The following TRAPPC9 variants were observed in gnomAD, a reference collection of about 807,000 sequenced individuals.
The protein encoded by TRAPPC9 is IKK2 binding protein.
TRAPPC9 carries 83 observed loss-of-function variants against 124.0 expected under a neutral mutation model. That is an observed-to-expected ratio of 0.67 (90% CI 0.56 to 0.80). TRAPPC9 has a LOEUF of 0.80. Ranked by LOEUF, TRAPPC9 falls within the 30% of genes least tolerant of loss-of-function variation. The pLI is 0.00. For missense variants in TRAPPC9, 1,302 were observed against 1,508.3 expected (o/e 0.86, Z 2.27); for synonymous variants, 638 against 617.5 (o/e 1.03, Z -0.49).
chr8:140,135,696 T>A (rs1219965498), intron 17 of TRAPPC9, among the ~76,000 whole-genome samples: 1 of 152,242 alleles, frequency 6.6e-6, no homozygotes. Context: ...GATGGAAAAC[T>A]TCTGGAAGTG....
chr8:140,413,492 C>G (rs2069781971), intron 5 of TRAPPC9, among the ~76,000 whole-genome samples: 1 of 151,716 alleles, frequency 6.6e-6, no homozygotes, highest in Non-Finnish European at 1.5e-5. Context: ...TGCCAGACAC[C>G]TACTGAAGAA....
At chr8:139,789,243 C>T (rs540523374) in intron 21 of TRAPPC9, among the ~76,000 whole-genome samples, 22 of 152,266 alleles carry the variant, frequency 1.4e-4, no homozygotes, top group East Asian at 5.8e-4. Flanking sequence ...TCTAGGGTCC[C>T]GGGCCCGCAC....
intron 17 of TRAPPC9, among the ~76,000 whole-genome samples, chr8:140,160,587 T>C (rs886291711): frequency 6.0e-5 from 9 of 150,214 alleles, no homozygotes; most frequent in African/African-American, 1.2e-4. Context: ...TAGGTGGGAA[T>C]TGAACAATGA....
intron 17 of TRAPPC9, among the ~76,000 whole-genome samples, chr8:140,179,993 A>ATTTTTT (rs71520259): frequency 0.13 from 11,396 of 89,582 alleles, 1,424 homozygotes; most frequent in East Asian, 0.39. Flanking sequence ...TTATATCTTG[A>ATTTTTT]TTTTTTTTTT....
chr8:139,758,869 G>A (rs534651588), intron 21 of TRAPPC9, among the ~76,000 whole-genome samples: 1 of 152,310 alleles, frequency 6.6e-6, no homozygotes, highest in Non-Finnish European at 1.5e-5. Flanking sequence ...GGTTTCTGAC[G>A]CCAAAGCCTG....
chr8:139,947,152 A>G (rs1243676931), intron 19 of TRAPPC9, among the ~76,000 whole-genome samples: 1 of 152,236 alleles, frequency 6.6e-6, no homozygotes, highest in Admixed American at 6.5e-5. Context: ...GTAGCAAGAC[A>G]GGGTGGTATC....
chr8:139,775,116 G>C (rs978376066), intron 21 of TRAPPC9, among the ~76,000 whole-genome samples: 2 of 152,150 alleles, frequency 1.3e-5, no homozygotes, highest in Non-Finnish European at 2.9e-5. Context: ...GGGGCACCTA[G>C]CCCTGACTGG....
At chr8:140,327,057 A>G (rs2066757152) in intron 9 of TRAPPC9, among the ~76,000 whole-genome samples, 1 of 152,130 alleles carries the variant, frequency 6.6e-6, no homozygotes, top group Non-Finnish European at 1.5e-5. Flanking sequence ...TTCCAAGACC[A>G]GCCTGACCAA....
intron 10 of TRAPPC9, among the ~76,000 whole-genome samples, chr8:140,306,237 T>G (rs2066129541): frequency 6.6e-6 from 1 of 152,154 alleles, no homozygotes; most frequent in Non-Finnish European, 1.5e-5. Flanking sequence ...GGCTCATACC[T>G]GTAATCCTAG....
At chr8:140,149,538 T>A (rs1312520361) in intron 17 of TRAPPC9, among the ~76,000 whole-genome samples, 2 of 151,736 alleles carry the variant, frequency 1.3e-5, no homozygotes, top group African/African-American at 4.8e-5. Context: ...GAGAATCACT[T>A]GAGCCCAGGA....
chr8:139,837,563 G>A (rs536523674), intron 21 of TRAPPC9, among the ~76,000 whole-genome samples: 2 of 152,290 alleles, frequency 1.3e-5, no homozygotes, highest in Admixed American at 1.3e-4. Flanking sequence ...GCCTCGGTCT[G>A]CTCTCACTGG....
At chr8:140,159,674 A>C (rs1488226732) in intron 17 of TRAPPC9, among the ~76,000 whole-genome samples, 1 of 152,214 alleles carries the variant, frequency 6.6e-6, no homozygotes, top group Admixed American at 6.5e-5. Flanking sequence ...CATTACATGT[A>C]AAAGAGGAGC....
chr8:140,294,633 G>T (rs1309162816), intron 11 of TRAPPC9, among the ~76,000 whole-genome samples: 1 of 151,060 alleles, frequency 6.6e-6, no homozygotes, highest in African/African-American at 2.4e-5. Flanking sequence ...TTTTGAGATG[G>T]AGTATCACTC....
intron 18 of TRAPPC9, among the ~76,000 whole-genome samples, chr8:140,014,025 C>G (rs1839299710): frequency 6.6e-6 from 1 of 152,128 alleles, no homozygotes; most frequent in Non-Finnish European, 1.5e-5. Context: ...ACTAAGTAAA[C>G]ATAGCAACTG....
chr8:140,055,886 T>C (rs1157335701), intron 17 of TRAPPC9, among the ~76,000 whole-genome samples: 2 of 152,128 alleles, frequency 1.3e-5, no homozygotes, highest in East Asian at 1.9e-4. Context: ...CTCGTATTCA[T>C]AGATTGAAAA....
intron 17 of TRAPPC9, among the ~76,000 whole-genome samples, chr8:140,154,953 T>A (rs1211094221): frequency 6.6e-6 from 1 of 152,214 alleles, no homozygotes; most frequent in Non-Finnish European, 1.5e-5. Flanking sequence ...CTTGTCAGTA[T>A]CCTAGCATAC....
chr8:139,905,020 T>G (rs941015765), intron 20 of TRAPPC9: 1 of 152,148 alleles, frequency 6.6e-6, no homozygotes, highest in Non-Finnish European at 1.5e-5. Flanking sequence ...CCAAGTTCAG[T>G]AAAATTGTCC....
chr8:140,270,676 A>G (rs1384174307), intron 15 of TRAPPC9, among the ~76,000 whole-genome samples: 1 of 152,140 alleles, frequency 6.6e-6, no homozygotes, highest in Non-Finnish European at 1.5e-5. Flanking sequence ...GCCAAGCCAG[A>G]GCCCAGAGGA....
At chr8:140,021,846 G>A (rs1839853587) in intron 18 of TRAPPC9, among the ~76,000 whole-genome samples, 1 of 152,218 alleles carries the variant, frequency 6.6e-6, no homozygotes, top group African/African-American at 2.4e-5. Flanking sequence ...ATGGGTCAAG[G>A]TCAAACAGGT....
Sources: gnomAD v4.1 joint callset for allele counts (sites outside exome capture counted in the v4.1 genomes callset) on GRCh38, gnomAD v4.1.1 for gene constraint, MANE v1.5 for transcripts, NCBI Gene and HGNC (gene_info 2026-07-23, HGNC 2026-07-21) for gene names.